TDRP: variants seen among roughly 807,000 people sequenced by gnomAD.
TDRP encodes the protein testis development-related protein.
A neutral mutation model predicts 10.5 loss-of-function variants in TDRP; 12 were observed. The ratio of observed to expected loss-of-function variants is 1.15; its 90% CI spans 0.73 to 1.86. TDRP has a LOEUF of 1.86. Ranked by LOEUF, TDRP falls within the 40% of genes most tolerant of loss-of-function variation. The probability of loss-of-function intolerance (pLI) is 0.00; values close to 1 mark genes in which losing one functional copy is unlikely to be tolerated. For missense variants in TDRP, 353 were observed against 229.2 expected (o/e 1.54, Z -3.49); for synonymous variants, 139 against 95.4 (o/e 1.46, Z -2.67).
intron 1 of TDRP, among the ~76,000 whole-genome samples, chr8:531,397 C>A (rs913145819): frequency 1.3e-5 from 2 of 152,118 alleles, no homozygotes; most frequent in African/African-American, 4.8e-5. Context: ...GTGAATTGGG[C>A]ACCCGTTGGT....
At position 495,968 on chromosome 8, in the gene TDRP, G is replaced by A. The variant is rs571035532; in HGVS notation, c.109-1371C>T. Among the ~76,000 whole-genome samples the A allele has an allele frequency of 2.0e-4, 31 of 152,290 alleles. No homozygotes were observed. In the South Asian group the frequency reaches 3.7e-3, roughly 18 times the overall value. ...TGGGCAGAGGTCTGCATCTGTAGAC[G>A]GGGGACAGGCCCTCCAACAGTTGTG... On this transcript the variant is annotated intron_variant, in intron 1 of 2. Transcript: ENST00000324079.
At chr8:507,430 A>G (rs1174392972) in intron 1 of TDRP, among the ~76,000 whole-genome samples, 1 of 152,214 alleles carries the variant, frequency 6.6e-6, no homozygotes, top group Admixed American at 6.5e-5. Context: ...GTTCCTTCAC[A>G]GAAGCCACAA....
At chr8:513,787 G>A (rs937890486) in intron 1 of TDRP, among the ~76,000 whole-genome samples, 2 of 152,164 alleles carry the variant, frequency 1.3e-5, no homozygotes, top group Non-Finnish European at 2.9e-5. Context: ...ACTAATAAAA[G>A]AGTTCAACAC....
chr8:510,560 G>A (rs80342991), intron 1 of TDRP, among the ~76,000 whole-genome samples: 47 of 152,212 alleles, frequency 3.1e-4, no homozygotes, highest in East Asian at 1.7e-3. Flanking sequence ...AATGAATGCC[G>A]GAAGGCAGTG....
intron 1 of TDRP, among the ~76,000 whole-genome samples, chr8:523,704 TC>T (rs1469061161): frequency 6.6e-6 from 1 of 152,066 alleles, no homozygotes; most frequent in Non-Finnish European, 1.5e-5. Flanking sequence ...GGGGAGAGGC[TC>T]CTCTGCTTGT....
chr8:492,323 C>T lies in TDRP; in HGVS notation c.*76G>A, dbSNP rs886798796. On this transcript the variant is annotated 3_prime_UTR_variant, in exon 3 of 3. Coordinates refer to ENST00000324079, the MANE Select transcript of TDRP (RefSeq NM_001384899.1). ...AGTAGACTCTCTATTCTTTCTAACG[C>T]GGAAAAGACTCAACAACTACATGGT... is the stretch of plus-strand genomic sequence containing the variant. The T allele has an allele frequency of 1.2e-4, 161 of 1,386,188 alleles. No homozygotes were observed. The highest frequency in any genetic ancestry group is 8.3e-4 in the African/African-American group (57 of 68,348). 85.9% of individuals were successfully genotyped at this position (1,386,188 alleles called of 1,614,324 possible). A position where few individuals can be genotyped will look rare whatever the true frequency, so the allele number is the denominator to read the frequency against.
upstream of TDRP, among the ~76,000 whole-genome samples, chr8:545,351 C>T (rs1478724260): frequency 2.2e-5 from 3 of 136,164 alleles, no homozygotes; most frequent in African/African-American, 8.5e-5. Context: ...CCTGGGTCCT[C>T]CTCTACCCCC....
At chr8:502,733 C>G (rs1003295993) in intron 1 of TDRP, among the ~76,000 whole-genome samples, 1 of 151,432 alleles carries the variant, frequency 6.6e-6, no homozygotes, top group Admixed American at 6.6e-5. Context: ...GAATCCAGAG[C>G]CACACAATGG....
At chr8:498,576 A>T (rs1801198766) in intron 1 of TDRP, among the ~76,000 whole-genome samples, 1 of 152,228 alleles carries the variant, frequency 6.6e-6, no homozygotes, top group Non-Finnish European at 1.5e-5. Flanking sequence ...ACCTTGTCTC[A>T]GATGAGACTT....
intron 1 of TDRP, among the ~76,000 whole-genome samples, chr8:497,404 C>A (rs1801166141): frequency 6.6e-6 from 1 of 152,164 alleles, no homozygotes; most frequent in South Asian, 2.1e-4. Context: ...GAACCTTGAA[C>A]TAGAGGGAGA....
chr8:494,390 C>A (rs1801072156), intron 2 of TDRP, 104 bp downstream of exon 2: 3 of 1,129,548 alleles, frequency 2.7e-6, no homozygotes, highest in Non-Finnish European at 3.9e-6. Context: ...CCCCACAATG[C>A]CTCCAGTTAC....
At chr8:493,124 A>T (rs1287511529) in intron 2 of TDRP, among the ~76,000 whole-genome samples, 1 of 152,234 alleles carries the variant, frequency 6.6e-6, no homozygotes, top group Non-Finnish European at 1.5e-5. Context: ...TCAATTTATC[A>T]AATAGGTTTT....
intron 1 of TDRP, among the ~76,000 whole-genome samples, chr8:537,113 C>A (rs930690306): frequency 2.0e-5 from 3 of 152,220 alleles, no homozygotes; most frequent in African/African-American, 7.2e-5. Flanking sequence ...CATCAGGTGC[C>A]GTAATGTGGA....
At chr8:539,008 T>C (rs1802420333) in intron 1 of TDRP, among the ~76,000 whole-genome samples, 1 of 152,194 alleles carries the variant, frequency 6.6e-6, no homozygotes, top group Admixed American at 6.5e-5. Context: ...GTGAAATAAC[T>C]ATCCTGCAGG....
At chr8:500,055 G>C (rs1342027664) in intron 1 of TDRP, among the ~76,000 whole-genome samples, 1 of 152,214 alleles carries the variant, frequency 6.6e-6, no homozygotes, top group Non-Finnish European at 1.5e-5. Flanking sequence ...TCAATTCAGA[G>C]AGAAAGTGAC....
chr8:530,575 G>C (rs1157427195), intron 1 of TDRP, among the ~76,000 whole-genome samples: 1 of 152,050 alleles, frequency 6.6e-6, no homozygotes, highest in Non-Finnish European at 1.5e-5. Flanking sequence ...ATCTTCTCTG[G>C]GCTTGTACAT....
At chr8:497,722 C>T (rs937186810) in intron 1 of TDRP, among the ~76,000 whole-genome samples, 1 of 152,146 alleles carries the variant, frequency 6.6e-6, no homozygotes, top group African/African-American at 2.4e-5. Context: ...ATTTCAGAGA[C>T]CTTCATGGCA....
intron 1 of TDRP, among the ~76,000 whole-genome samples, chr8:507,660 G>T (rs1235072686): frequency 6.6e-6 from 1 of 152,296 alleles, no homozygotes; most frequent in South Asian, 2.1e-4. Flanking sequence ...ACTGGGGGCA[G>T]GGTGGAGAAT....
intron 1 of TDRP, among the ~76,000 whole-genome samples, chr8:542,029 G>A (rs1169438067): frequency 6.6e-6 from 1 of 152,160 alleles, no homozygotes; most frequent in East Asian, 1.9e-4. Flanking sequence ...GCCCTCCAGA[G>A]GGTGAAGGGA....
Sources: gnomAD v4.1 joint callset for allele counts (sites outside exome capture counted in the v4.1 genomes callset) on GRCh38, gnomAD v4.1.1 for gene constraint, MANE v1.5 for transcripts, NCBI Gene and HGNC (gene_info 2026-07-23, HGNC 2026-07-21) for gene names.